The following KPNA5 variants were observed in gnomAD, a reference collection of about 807,000 sequenced individuals.
KPNA5 encodes importin subunit alpha-6.
A neutral mutation model predicts 71.3 loss-of-function variants in KPNA5; 46 were observed. That is an observed-to-expected ratio of 0.65 (90% CI 0.51 to 0.83). The LOEUF (loss-of-function observed/expected upper bound fraction) is 0.83, where lower values mean the gene tolerates loss of function less well. Ranked by LOEUF, KPNA5 falls within the 40% of genes least tolerant of loss-of-function variation. The probability of loss-of-function intolerance (pLI) is 0.00; values close to 1 mark genes in which losing one functional copy is unlikely to be tolerated. For synonymous variants in KPNA5, 207 were observed against 201.4 expected (o/e 1.03, Z -0.24); for missense variants, 547 against 628.3 (o/e 0.87, Z 1.38).
chr6:116,731,290 T>C (rs376894766), intron 13 of KPNA5, among the ~76,000 whole-genome samples: 1 of 152,172 alleles, frequency 6.6e-6, no homozygotes, highest in African/African-American at 2.4e-5. Flanking sequence ...TTTCAAATTA[T>C]ATAACATCAC....
rs969113036 is a variant in KPNA5, at chr6:116,741,315, G to A, written c.*8992G>A. On this transcript the variant is annotated 3_prime_UTR_variant, in exon 14 of 14. Coordinates refer to ENST00000368564, the MANE Select transcript of KPNA5 (RefSeq NM_001366306.2). ...CTGACGATTTTTTTGTGTTTTATAT[G>A]TTTTTTACATTATTTTGTGCATAGA... 6.6e-6 allele frequency: 1 copy of A among 151,592 alleles called. No homozygotes were observed. Among genetic ancestry groups the A allele is most frequent in the Non-Finnish European group, 1.5e-5 (1 of 67,890 alleles). The allele number at this position is 151,592 out of a possible 1,614,324, so 9.4% of individuals were successfully genotyped here. A position where few individuals can be genotyped will look rare whatever the true frequency, so the allele number is the denominator to read the frequency against.
In KPNA5 at chr6:116,736,207, CAG is replaced by C. The variant is rs976511516; in HGVS notation, c.*3885_*3886del. The C allele has an allele frequency of 8.6e-5, 13 of 151,564 alleles. No homozygotes were observed. The highest frequency in any genetic ancestry group is 7.3e-4 in the Admixed American group (11 of 15,160). 9.4% of individuals were successfully genotyped at this position (151,564 alleles called of 1,614,324 possible). A position where few individuals can be genotyped will look rare whatever the true frequency, so the allele number is the denominator to read the frequency against. On this transcript the variant is annotated 3_prime_UTR_variant, in exon 14 of 14. Coordinates refer to ENST00000368564, the MANE Select transcript of KPNA5 (RefSeq NM_001366306.2). ...TATATTCATAAAATGGGATATTACT[CAG>C]TAATAAAATGAAATATGGATATATG...
intron 13 of KPNA5, 43 bp downstream of exon 13, chr6:116,729,784 T>C: frequency 1.6e-6 from 2 of 1,219,460 alleles, no homozygotes; most frequent in South Asian, 2.6e-5. Context: ...TCAGTTCTTA[T>C]ATCTGTCATA....
chr6:116,700,752 G>T (rs1213507333), intron 5 of KPNA5, among the ~76,000 whole-genome samples: 1 of 152,162 alleles, frequency 6.6e-6, no homozygotes, highest in African/African-American at 2.4e-5. Context: ...CAGGTTTTTG[G>T]CTCCTTTTAA....
intron 6 of KPNA5, 31 bp downstream of exon 6, chr6:116,702,181 C>T: frequency 6.3e-7 from 1 of 1,587,902 alleles, no homozygotes. Flanking sequence ...GTTGTATGTA[C>T]TAGAATTCAG....
chr6:116,686,948 T>G (rs571339375), intron 1 of KPNA5, among the ~76,000 whole-genome samples: 1 of 152,348 alleles, frequency 6.6e-6, no homozygotes, highest in South Asian at 2.1e-4. Flanking sequence ...TAGTACAGAT[T>G]GAAGTCAGGT....
intron 5 of KPNA5, among the ~76,000 whole-genome samples, chr6:116,701,590 G>A (rs1474617575): frequency 6.6e-6 from 1 of 152,100 alleles, no homozygotes; most frequent in Non-Finnish European, 1.5e-5. Context: ...GAGGTTACAT[G>A]ATCTGTAGAG....
At chr6:116,724,631 C>G (rs977650918) in intron 10 of KPNA5, among the ~76,000 whole-genome samples, 7 of 152,110 alleles carry the variant, frequency 4.6e-5, no homozygotes, top group Admixed American at 3.9e-4. Flanking sequence ...TGCTCTTTCT[C>G]CTAGGCTGGG....
chr6:116,684,923 A>G (rs1014136572), intron 1 of KPNA5, among the ~76,000 whole-genome samples: 4 of 152,228 alleles, frequency 2.6e-5, no homozygotes, highest in Non-Finnish European at 4.4e-5. Context: ...ACTCTCATAC[A>G]TTACTGATGG....
intron 13 of KPNA5, among the ~76,000 whole-genome samples, chr6:116,731,735 T>C (rs945730676): frequency 3.3e-5 from 5 of 152,066 alleles, no homozygotes; most frequent in African/African-American, 9.7e-5. Flanking sequence ...TTAATTTGTT[T>C]TGTTGCTTTC....
rs750968979 is a variant in KPNA5, at chr6:116,705,194, AAACTATAT to A, written c.656+36_656+43del. On this transcript the variant is annotated intron_variant, in intron 7 of 13. Coordinates refer to ENST00000368564, the MANE Select transcript of KPNA5 (RefSeq NM_001366306.2). ...TTTATCACAATTAAGTATATATCAA[AAACTATAT>A]ACTCCATGATATTCTACATACATAA... 4 of 1,404,494 alleles carry A rather than the reference AAACTATAT, an allele frequency of 2.8e-6. No homozygotes were observed. The South Asian group carries it at 4.7e-5, about 17-fold the overall frequency. The allele number at this position is 1,404,494 out of a possible 1,614,324, so 87.0% of individuals were successfully genotyped here.
chr6:116,720,784 C>T (rs905374526), intron 8 of KPNA5, among the ~76,000 whole-genome samples: 3 of 152,168 alleles, frequency 2.0e-5, no homozygotes, highest in Non-Finnish European at 2.9e-5. Flanking sequence ...GCAGAGGTTG[C>T]ACTCCAGCCT....
At chr6:116,685,521 A>G (rs1418913843) in intron 1 of KPNA5, among the ~76,000 whole-genome samples, 1 of 152,172 alleles carries the variant, frequency 6.6e-6, no homozygotes, top group Non-Finnish European at 1.5e-5. Context: ...CCCACTTATA[A>G]GTAAGAACAT....
At chr6:116,718,408 G>C (rs554470698) in intron 8 of KPNA5, among the ~76,000 whole-genome samples, 1 of 151,012 alleles carries the variant, frequency 6.6e-6, no homozygotes, top group African/African-American at 2.4e-5. Context: ...GATTACAGGC[G>C]CATGCTACCT....
In KPNA5 at chr6:116,730,609, T is replaced by A. The variant is rs183886877; in HGVS notation, c.1432+868T>A. On this transcript the variant is annotated intron_variant, in intron 13 of 13. Transcript: ENST00000368564. Reference sequence around the variant, plus strand: ...CACTGACTTCTTTTTAAGCTTTTGATGTCTTCTCATTTTGCTTTCCAAAGG... The same window carrying A: ...CACTGACTTCTTTTTAAGCTTTTGAAGTCTTCTCATTTTGCTTTCCAAAGG... Among the ~76,000 whole-genome samples, 61 of 152,298 alleles carry A rather than the reference T, an allele frequency of 4.0e-4. 1 individual carries two copies. Among genetic ancestry groups the A allele is most frequent in the Non-Finnish European group, 4.4e-5 (3 of 68,018 alleles).
Position 116,705,050 on chromosome 6 carries a change from GATA to G in KPNA5, c.568-19_568-17del. On this transcript the variant is annotated intron_variant, in intron 6 of 13. Coordinates refer to ENST00000368564, the MANE Select transcript of KPNA5 (RefSeq NM_001366306.2). The stretch of plus-strand genomic sequence containing the variant: ...CCTCTAATTTAAAATATTGTCTTAA[GATA>G]ATTTTTTTTTTTCCTAAGGCTGTTT... 1 of 1,553,418 alleles carries G rather than the reference GATA, an allele frequency of 6.4e-7. No individual in the cohort carries two copies. Among genetic ancestry groups the G allele is most frequent in the Non-Finnish European group, 8.8e-7 (1 of 1,133,564 alleles).
chr6:116,714,032 CTG>C (rs553915721), intron 7 of KPNA5, among the ~76,000 whole-genome samples: 9 of 152,066 alleles, frequency 5.9e-5, no homozygotes, highest in Non-Finnish European at 8.8e-5. Context: ...AATCCAATGT[CTG>C]TGATTTCTCA....
At chr6:116,682,179 A>AT (rs1777387552) in intron 1 of KPNA5, among the ~76,000 whole-genome samples, 1 of 152,030 alleles carries the variant, frequency 6.6e-6, no homozygotes, top group African/African-American at 2.4e-5. Context: ...AAAAGGAAAA[A>AT]TTAGCCTGGC....
At position 116,689,348 on chromosome 6, in the gene KPNA5, C is replaced by T; in HGVS notation, c.33C>T (p.Asn11=). The T allele has an allele frequency of 6.2e-7, 1 of 1,605,088 alleles. No homozygotes were observed. The highest frequency in any genetic ancestry group is 8.5e-7 in the Non-Finnish European group (1 of 1,177,560). MDAMASPGKD[N]YRMKSYKNKA... ...CCATGGCTAGTCCAGGGAAAGATAA[C>T]TATAGAATGAAAAGTTATAAGAATA... Residue 11 remains asparagine (N), a synonymous_variant, in exon 2 of 14, where the codon AAC becomes AAT. Transcript: ENST00000368564.
Sources: allele counts gnomAD v4.1 joint callset (sites outside exome capture counted in the v4.1 genomes callset), GRCh38; gene constraint gnomAD v4.1.1; transcripts MANE v1.5; gene names NCBI Gene and HGNC (gene_info 2026-07-23, HGNC 2026-07-21).